The following ZNF567 variants were observed in gnomAD, a reference collection of about 807,000 sequenced individuals.
ZNF567 encodes the protein zinc finger protein 567.
Under a neutral mutation model 53.9 loss-of-function variants are expected in ZNF567, and 36 were observed. The observed-to-expected ratio is 0.67, with a 90% CI of 0.51 to 0.88. ZNF567 has a LOEUF of 0.88. ZNF567 is among the 40% of genes least tolerant of loss of function. The pLI, the probability that ZNF567 is intolerant of heterozygous loss-of-function variation, is 0.00. For missense variants in ZNF567, 619 were observed against 764.7 expected (o/e 0.81, Z 2.25); for synonymous variants, 224 against 260.4 (o/e 0.86, Z 1.35).
At chr19:36,712,319 A>C in intron 3 of ZNF567, 67 bp from the exon 4 acceptor site, 1 of 1,530,884 alleles carries the variant, frequency 6.5e-7, no homozygotes, top group Non-Finnish European at 8.9e-7. Context: ...AAGTGCTGGG[A>C]TTACAGGCAT....
the ZNF567 span, among the ~76,000 whole-genome samples, chr19:36,682,576 GT>G: frequency 4.6e-4 from 66 of 143,800 alleles, no homozygotes; most frequent in African/African-American, 1.5e-3. Context: ...GGTTGCATGG[GT>G]TTTTTTTTTA....
chr19:36,694,605 C>A (rs983296163), intron 2 of ZNF567, among the ~76,000 whole-genome samples, 197 bp from the exon 3 acceptor site: 1 of 152,072 alleles, frequency 6.6e-6, no homozygotes, highest in Admixed American at 6.6e-5. Context: ...ATCCTGCTGC[C>A]CCAAAAGCCT....
intron 2 of ZNF567, among the ~76,000 whole-genome samples, chr19:36,694,171 G>C (rs1394190233): frequency 6.6e-6 from 1 of 152,156 alleles, no homozygotes; most frequent in East Asian, 1.9e-4. Flanking sequence ...GGATGGCAGA[G>C]TATGACACTG....
chr19:36,707,513 A>T, intron 3 of ZNF567, among the ~76,000 whole-genome samples: 1 of 150,304 alleles, frequency 6.7e-6, no homozygotes, highest in East Asian at 2.0e-4. Flanking sequence ...TATATCTTCC[A>T]TTTCTCTCAT....
At position 36,719,364 on chromosome 19, in the gene ZNF567, G is replaced by C. The variant is rs2040207465; in HGVS notation, c.640G>C (p.Asp214His). The C allele has an allele frequency of 6.2e-6, 10 of 1,613,782 alleles. No homozygotes were observed. Among genetic ancestry groups the C allele is most frequent in the Non-Finnish European group, 8.5e-6 (10 of 1,179,966 alleles). Reference protein sequence around the residue: ...ETPAQSFGYNDCEKSFLQRGG... With the variant: ...ETPAQSFGYNHCEKSFLQRGG... Reference sequence around the variant, plus strand: ...TCCAGCACAGTCATTTGGATATAATGACTGTGAGAAATCATTCCTTCAAAG... The same window carrying C: ...TCCAGCACAGTCATTTGGATATAATCACTGTGAGAAATCATTCCTTCAAAG... Residue 214 changes from aspartate (D) to histidine (H), a missense_variant, in exon 6 of 6, where the codon GAC becomes CAC. By Grantham distance (81) the Asp-to-His change is moderately conservative (BLOSUM62 -1). Transcript: ENST00000682579.
chr19:36,724,211 G>A (rs1197385995), downstream of ZNF567, among the ~76,000 whole-genome samples: 1 of 151,284 alleles, frequency 6.6e-6, no homozygotes, highest in Non-Finnish European at 1.5e-5. Flanking sequence ...TCTCCATGTT[G>A]GTCAGGCTGG....
Position 36,712,800 on chromosome 19 carries a change from T to A in ZNF567, c.156T>A (p.Pro52=). The A allele has an allele frequency of 1.2e-6, 2 of 1,614,072 alleles. No homozygotes were observed. The highest frequency in any genetic ancestry group is 1.7e-6 in the Non-Finnish European group (2 of 1,179,992). Residue 52 remains proline, a synonymous_variant, in exon 5 of 6, where the codon CCT becomes CCA. Transcript: ENST00000682579. The part of the protein sequence containing the change: ...LISVGCHMTK[P]DVILKLERGE... ...TTTCAGGGTGTCACATGACCAAACC[T>A]GATGTGATCCTCAAGTTGGAACGAG...
the ZNF567 span, among the ~76,000 whole-genome samples, chr19:36,681,742 T>C: frequency 0.3 from 45,123 of 151,594 alleles, 6,755 homozygotes; most frequent in African/African-American, 0.33. Context: ...AGTTTTCTTT[T>C]TTTTTTTTTT....
rs945386922 is a variant in ZNF567, at chr19:36,721,054, C to A, written c.*386C>A. The A allele has an allele frequency of 1.3e-5, 2 of 153,220 alleles. No homozygotes were observed. Among genetic ancestry groups the A allele is most frequent in the Non-Finnish European group, 1.5e-5 (1 of 68,798 alleles). The allele number at this position is 153,220 out of a possible 1,614,324, so 9.5% of individuals were successfully genotyped here. A position where few individuals can be genotyped will look rare whatever the true frequency, so the allele number is the denominator to read the frequency against. On this transcript the variant is annotated 3_prime_UTR_variant, in exon 6 of 6. Transcript: ENST00000682579. Reference sequence around the variant, plus strand: ...TAAAAAGCAGTTAGTTGTTACTTACCTAAGAGTTACCACTTCCGTAGCCTA... The same window carrying A: ...TAAAAAGCAGTTAGTTGTTACTTACATAAGAGTTACCACTTCCGTAGCCTA...
At position 36,719,419 on chromosome 19, in the gene ZNF567, A is replaced by G; in HGVS notation, c.695A>G (p.Tyr232Cys). ...RGGLITHSRP[Y>C]KGENPSVYNK... Reference sequence around the variant, plus strand: ...GGCCTGATTACACATAGTAGACCTTACAAAGGAGAAAACCCATCTGTATAT... The same window carrying G: ...GGCCTGATTACACATAGTAGACCTTGCAAAGGAGAAAACCCATCTGTATAT... Residue 232 changes from tyrosine (Y) to cysteine (C), a missense_variant, in exon 6 of 6, where the codon TAC becomes TGC. Coordinates refer to ENST00000682579, the MANE Select transcript of ZNF567 (RefSeq NM_001322917.1). 1 of 1,613,612 alleles carries G rather than the reference A, an allele frequency of 6.2e-7. No homozygotes were observed. Among genetic ancestry groups the G allele is most frequent in the Non-Finnish European group, 8.5e-7 (1 of 1,179,892 alleles).
At chr19:36,713,791 T>A (rs2039907296) in intron 5 of ZNF567, among the ~76,000 whole-genome samples, 13 of 152,084 alleles carry the variant, frequency 8.5e-5, no homozygotes, top group Admixed American at 8.5e-4. Flanking sequence ...AAAAATTAGC[T>A]GGGTGTGGTG....
In ZNF567 at chr19:36,720,360, G is replaced by A; in HGVS notation, c.1636G>A (p.Ala546Thr). 1 of 1,613,808 alleles carries A rather than the reference G, an allele frequency of 6.2e-7. No homozygotes were observed. The highest frequency in any genetic ancestry group is 1.1e-5 in the South Asian group (1 of 91,056). Residue 546 changes from alanine to threonine, a missense_variant, in exon 6 of 6, where the codon GCA (alanine) becomes ACA (threonine). Coordinates refer to ENST00000682579, the MANE Select transcript of ZNF567 (RefSeq NM_001322917.1). ...ATGTGGGAAGTCCTTTCGCCAGAAA[G>A]CAACCCTCACTGTACATCAGAAAAT... ...NECGKSFRQK[A>T]TLTVHQKIHT...
In ZNF567 at chr19:36,712,796, A is replaced by C; in HGVS notation, c.152A>C (p.Lys51Thr). 2 of 1,614,046 alleles carry C rather than the reference A, an allele frequency of 1.2e-6. No homozygotes were observed. Among genetic ancestry groups the C allele is most frequent in the Non-Finnish European group, 1.7e-6 (2 of 1,179,968 alleles). ...CACTTTTCAGGGTGTCACATGACCA[A>C]ACCTGATGTGATCCTCAAGTTGGAA... Reference protein sequence around the residue: ...HLISVGCHMTKPDVILKLERG... With the variant: ...HLISVGCHMTTPDVILKLERG... Residue 51 changes from lysine (K) to threonine (T), a missense_variant, in exon 5 of 6, where the codon AAA (lysine) becomes ACA (threonine). Lys to Thr is a moderately conservative substitution (Grantham distance 78). Coordinates refer to ENST00000682579, the MANE Select transcript of ZNF567 (RefSeq NM_001322917.1).
chr19:36,677,783 T>C, the ZNF567 span, among the ~76,000 whole-genome samples: 2 of 152,088 alleles, frequency 1.3e-5, no homozygotes, highest in South Asian at 4.1e-4. Flanking sequence ...ATAAATAAAA[T>C]AAAAATTTTT....
chr19:36,712,691 G>A, intron 4 of ZNF567, 90 bp from the exon 5 acceptor site: 1 of 1,389,344 alleles, frequency 7.2e-7, no homozygotes, highest in South Asian at 1.2e-5. Context: ...ACAAATGGGT[G>A]TCTTAATTTG....
downstream of ZNF567, chr19:36,723,159 C>T (rs931835665): frequency 2.8e-6 from 2 of 702,460 alleles, no homozygotes; most frequent in Non-Finnish European, 5.2e-6. Flanking sequence ...TACTCATGAC[C>T]AAAGATGGAA....
At chr19:36,671,573 C>T in the ZNF567 span, among the ~76,000 whole-genome samples, 1 of 152,190 alleles carries the variant, frequency 6.6e-6, no homozygotes, top group Non-Finnish European at 1.5e-5. Flanking sequence ...CATGATCCAA[C>T]AAATCTAATG....
In ZNF567 at chr19:36,719,747, A is replaced by G. The variant is rs1035297814; in HGVS notation, c.1023A>G (p.Gln341=). 1.9e-6 allele frequency: 3 copies of G among 1,613,994 alleles called. No homozygotes were observed. Among genetic ancestry groups the G allele is most frequent in the Non-Finnish European group, 2.5e-6 (3 of 1,179,962 alleles). The change falls in exon 6 of 6, where the codon CAA becomes CAG. Residue 341 remains glutamine, a synonymous_variant. Coordinates refer to ENST00000682579, the MANE Select transcript of ZNF567 (RefSeq NM_001322917.1). The part of the protein sequence containing the change: ...HTGEKSYECL[Q]CRNAFRLKSH... Reference sequence around the variant, plus strand: ...GGGAGAAATCGTATGAATGTCTGCAATGTAGGAATGCCTTCAGATTGAAGT... The same window carrying G: ...GGGAGAAATCGTATGAATGTCTGCAGTGTAGGAATGCCTTCAGATTGAAGT...
At chr19:36,685,783 C>CA (rs2038253847), upstream of ZNF567, 1 of 152,126 alleles carries the variant, frequency 6.6e-6, no homozygotes, top group African/African-American at 2.4e-5. Context: ...TGGCTTAAAA[C>CA]AAAAAACAAT....
Sources: gnomAD v4.1 joint callset for allele counts (sites outside exome capture counted in the v4.1 genomes callset) on GRCh38, gnomAD v4.1.1 for gene constraint, MANE v1.5 for transcripts, NCBI Gene and HGNC (gene_info 2026-07-23, HGNC 2026-07-21) for gene names.